Variants in AGAP1 observed in about 807,000 individuals in gnomAD.
AGAP1 encodes the protein ArfGAP with GTPase domain, ankyrin repeat and PH domain 1, also known as arf-GAP with GTPase, ANK repeat and PH domain-containing protein 1.
AGAP1 carries 29 observed loss-of-function variants against 105.3 expected under a neutral mutation model. The ratio of observed to expected loss-of-function variants is 0.28; its 90% CI spans 0.21 to 0.38. AGAP1 has a LOEUF of 0.38. Among genes scored for constraint, AGAP1 ranks in the 10% least tolerant of loss-of-function variants. The pLI, the probability that AGAP1 is intolerant of heterozygous loss-of-function variation, is 1.00. For synonymous variants in AGAP1, 509 were observed against 485.9 expected, an observed-to-expected ratio of 1.05 and a Z score of -0.63; for missense variants, 998 against 1,165.1, an observed-to-expected ratio of 0.86 and a Z score of 2.09.
rs77411019 is a variant in AGAP1 at position 235,584,807 on chromosome 2, C to T, written c.163+89958C>T. ...TGTTTGCCGCTCACTCCTCCCTCTC[C>T]CATTGCCACGTGGTCTCTGCTTTTA... On this transcript the variant is annotated intron_variant, in intron 1 of 17. Coordinates refer to ENST00000304032, the MANE Select transcript of AGAP1 (RefSeq NM_001037131.3). Among the ~76,000 whole-genome samples, 1,043 of 152,028 alleles carry T rather than the reference C, an allele frequency of 6.9e-3. 11 individuals carry two copies. The highest frequency in any genetic ancestry group is 0.024 in the African/African-American group (977 of 41,446).
chr2:235,896,864 A>G (rs963511691), intron 10 of AGAP1, among the ~76,000 whole-genome samples: 4 of 151,842 alleles, frequency 2.6e-5, no homozygotes, highest in Non-Finnish European at 5.9e-5. Flanking sequence ...ACAGAAAAGG[A>G]CTCTGTATCA....
Position 235,577,994 on chromosome 2 carries a change from G to A in AGAP1, c.163+83145G>A, listed in dbSNP as rs957057639. On this transcript the variant is annotated intron_variant, in intron 1 of 17. Transcript: ENST00000304032. The surrounding 1 kb of genome is among the most constrained non-coding windows in gnomAD (Gnocchi z 4.5). ...CTGGATCGCACCCGACACCATCCAG[G>A]TGCCTGCGTGTGCTGGTCCCGCCAT... Among the ~76,000 whole-genome samples, 1 of 152,080 alleles carries A rather than the reference G, an allele frequency of 6.6e-6. No homozygotes were observed. Among genetic ancestry groups the A allele is most frequent in the Non-Finnish European group, 1.5e-5 (1 of 68,018 alleles).
chr2:236,080,416 A>G lies in AGAP1; in HGVS notation c.2114+31135A>G, dbSNP rs769810185. 4.6e-5 allele frequency among the ~76,000 whole-genome samples: 7 copies of G among 152,198 alleles called. No homozygotes were observed. The highest frequency in any genetic ancestry group is 8.8e-5 in the Non-Finnish European group (6 of 68,034). On this transcript the variant is annotated intron_variant, in intron 16 of 17. Coordinates refer to ENST00000304032, the MANE Select transcript of AGAP1 (RefSeq NM_001037131.3). The surrounding 1 kb of genome is among the most constrained non-coding windows in gnomAD (Gnocchi z 4.2). ...AATAAGGACGTCAGTTTGCAACCAGACAAGTTTAGAGGCCTGTGGAATTCC... is the reference window on the plus strand; with the variant it reads ...AATAAGGACGTCAGTTTGCAACCAGGCAAGTTTAGAGGCCTGTGGAATTCC...
At chr2:236,115,129 C>T (rs953749212) in intron 16 of AGAP1, among the ~76,000 whole-genome samples, 10 of 152,330 alleles carry the variant, frequency 6.6e-5, no homozygotes, top group African/African-American at 1.2e-4. Context: ...CCCGCGGCCC[C>T]GTGCCACCAG....
At chr2:236,108,251 C>T (rs2059551805) in intron 16 of AGAP1, among the ~76,000 whole-genome samples, 1 of 152,354 alleles carries the variant, frequency 6.6e-6, no homozygotes, top group South Asian at 2.1e-4. Flanking sequence ...GGAAGCCCCT[C>T]TCTCTTCCTC....
chr2:235,959,743 C>T lies in AGAP1; in HGVS notation c.1484-8719C>T, dbSNP rs1427096517. ...CGGTTCCCCTGCTGCTGCAGCCGGG[C>T]CCTCCCACAGGCAAGCATCTGGAAC... On this transcript the variant is annotated intron_variant, in intron 12 of 17. Transcript: ENST00000304032. This position sits in a 1 kb window ranked among gnomAD's most constrained non-coding sequence, Gnocchi z 7.3. Among the ~76,000 whole-genome samples, 1 of 152,190 alleles carries T rather than the reference C, an allele frequency of 6.6e-6. No individual in the cohort carries two copies. The highest frequency in any genetic ancestry group is 1.5e-5 in the Non-Finnish European group (1 of 68,040).
chr2:236,000,865 T>C lies in AGAP1; in HGVS notation c.1645+32242T>C, dbSNP rs1272425576. Among the ~76,000 whole-genome samples, 2 of 151,974 alleles carry C rather than the reference T, an allele frequency of 1.3e-5. No homozygotes were observed. Among genetic ancestry groups the C allele is most frequent in the Non-Finnish European group, 2.9e-5 (2 of 67,994 alleles). ...TCTTCCAGGCACAGAGAGTGGCTGA[T>C]GAGAAAGGGCCTGTGTGGAAGGAAC... is the stretch of plus-strand genomic sequence containing the variant. On this transcript the variant is annotated intron_variant, in intron 13 of 17. Transcript: ENST00000304032. This position sits in a 1 kb window ranked among gnomAD's most constrained non-coding sequence, Gnocchi z 4.3.
At chr2:235,727,114 G>T (rs961171041) in intron 3 of AGAP1, among the ~76,000 whole-genome samples, 3 of 152,314 alleles carry the variant, frequency 2.0e-5, no homozygotes, top group African/African-American at 7.2e-5. Flanking sequence ...TTTGAGTCAG[G>T]TGCTTTTCCC....
intron 10 of AGAP1, among the ~76,000 whole-genome samples, chr2:235,886,634 T>C (rs2050289891): frequency 6.6e-6 from 1 of 152,176 alleles, no homozygotes; most frequent in Admixed American, 6.5e-5. Context: ...TATAATTGTA[T>C]AGCAAGCAAG....
At chr2:235,699,929 T>C (rs1950172283) in intron 1 of AGAP1, among the ~76,000 whole-genome samples, 1 of 152,190 alleles carries the variant, frequency 6.6e-6, no homozygotes, top group South Asian at 2.1e-4. Context: ...CTGGTTCTTC[T>C]GGGGACCTCG....
chr2:235,653,194 A>G (rs569806457), intron 1 of AGAP1, among the ~76,000 whole-genome samples: 121 of 152,094 alleles, frequency 8.0e-4, no homozygotes, highest in East Asian at 1.6e-3. Context: ...GGCCGGGCGC[A>G]GTGGCTCATG....
chr2:235,887,649 C>G lies in AGAP1; in HGVS notation c.1155+4200C>G, dbSNP rs1453910556. Among the ~76,000 whole-genome samples the G allele has an allele frequency of 1.3e-5, 2 of 152,194 alleles. No individual in the cohort carries two copies. Among genetic ancestry groups the G allele is most frequent in the East Asian group, 3.8e-4 (2 of 5,198 alleles). On this transcript the variant is annotated intron_variant, in intron 10 of 17. Transcript: ENST00000304032. The surrounding 1 kb of genome is among the most constrained non-coding windows in gnomAD (Gnocchi z 4.1). ...CATATAGCATAGCCTACAGCCCGTTCTTTTCCACAGAGCCCAGGAAAAAAA... is the reference window on the plus strand; with the variant it reads ...CATATAGCATAGCCTACAGCCCGTTGTTTTCCACAGAGCCCAGGAAAAAAA...
At chr2:235,933,826 C>T (rs202030971) in intron 12 of AGAP1, among the ~76,000 whole-genome samples, 9 of 152,150 alleles carry the variant, frequency 5.9e-5, no homozygotes, top group East Asian at 3.9e-4. Context: ...CCACCGCGCC[C>T]GGCCTTTCTA....
rs191461638 is a variant in AGAP1, at chr2:235,959,740, G to A, written c.1484-8722G>A. Among the ~76,000 whole-genome samples the A allele has an allele frequency of 7.5e-4, 114 of 152,200 alleles. No individual in the cohort carries two copies. Among genetic ancestry groups the A allele is most frequent in the African/African-American group, 2.6e-3 (109 of 41,524 alleles). On this transcript the variant is annotated intron_variant, in intron 12 of 17. Coordinates refer to ENST00000304032, the MANE Select transcript of AGAP1 (RefSeq NM_001037131.3). This position sits in a 1 kb window ranked among gnomAD's most constrained non-coding sequence, Gnocchi z 7.3. ...AGCCGGTTCCCCTGCTGCTGCAGCC[G>A]GGCCCTCCCACAGGCAAGCATCTGG...
At position 235,753,705 on chromosome 2, in the gene AGAP1, C is replaced by CCAA. The variant is rs1480920608; in HGVS notation, c.673+3217_673+3218insCAA. 1.6e-4 allele frequency among the ~76,000 whole-genome samples: 18 copies of CCAA among 114,298 alleles called. No homozygotes were observed. Among genetic ancestry groups the CCAA allele is most frequent in the Non-Finnish European group, 3.2e-4 (17 of 53,642 alleles). 75.0% of individuals were successfully genotyped at this position (114,298 alleles called of 152,430 possible). A position where few individuals can be genotyped will look rare whatever the true frequency, so the allele number is the denominator to read the frequency against. ...TGGGTGACAGAGCGAGACTCTGTCT[C>CCAA]AAAAAAAAAAAAAAGTAGGATTTTA... On this transcript the variant is annotated intron_variant, in intron 6 of 17. Coordinates refer to ENST00000304032, the MANE Select transcript of AGAP1 (RefSeq NM_001037131.3). This position sits in a 1 kb window ranked among gnomAD's most constrained non-coding sequence, Gnocchi z 4.5.
chr2:235,927,348 G>A lies in AGAP1; in HGVS notation c.1325-3417G>A, dbSNP rs933942994. Among the ~76,000 whole-genome samples the A allele has an allele frequency of 1.3e-5, 2 of 152,198 alleles. No individual in the cohort carries two copies. Among genetic ancestry groups the A allele is most frequent in the Non-Finnish European group, 2.9e-5 (2 of 68,042 alleles). On this transcript the variant is annotated intron_variant, in intron 11 of 17. Transcript: ENST00000304032. This position sits in a 1 kb window ranked among gnomAD's most constrained non-coding sequence, Gnocchi z 4.4. ...TCAGGAGGCAGAAGGTGGGCTCTGAGCCACACCCTCAGAGCTGCTGCACCA... is the reference window on the plus strand; with the variant it reads ...TCAGGAGGCAGAAGGTGGGCTCTGAACCACACCCTCAGAGCTGCTGCACCA...
chr2:235,507,151 C>T (rs975223296), intron 1 of AGAP1: 1 of 152,634 alleles, frequency 6.6e-6, no homozygotes. Context: ...GAGCAGCTGC[C>T]CAGAATCTGT....
At chr2:235,497,668 C>T (rs1343017594) in intron 1 of AGAP1, among the ~76,000 whole-genome samples, 1 of 152,222 alleles carries the variant, frequency 6.6e-6, no homozygotes, top group Non-Finnish European at 1.5e-5. Context: ...GCAATCTCGG[C>T]TCACTGCAGG....
Position 235,930,663 on chromosome 2 carries a change from AAGGT to A in AGAP1, c.1325-101_1325-98del. 1 of 1,091,778 alleles carries A rather than the reference AAGGT, an allele frequency of 9.2e-7. No individual in the cohort carries two copies. The allele number at this position is 1,091,778 out of a possible 1,614,324, so 67.6% of individuals were successfully genotyped here. On this transcript the variant is annotated intron_variant, in intron 11 of 17. Transcript: ENST00000304032. This position sits in a 1 kb window ranked among gnomAD's most constrained non-coding sequence, Gnocchi z 7.9. ...CAGGACAGGGGCTGCTCTCGGTGGT[AAGGT>A]GCACTATGTGCCAGCGTGTGGGTCC...
Sources: gnomAD v4.1 joint callset for allele counts (sites outside exome capture counted in the v4.1 genomes callset) on GRCh38, gnomAD v4.1.1 for gene constraint, Gnocchi (gnomAD v3.1) non-coding constraint, MANE v1.5 for transcripts, NCBI Gene and HGNC (gene_info 2026-07-23, HGNC 2026-07-21) for gene names.